The following MYO5B variants were observed in gnomAD, a reference collection of about 807,000 sequenced individuals.
MYO5B encodes the protein unconventional myosin-Vb.
MYO5B carries 143 observed loss-of-function variants against 229.3 expected under a neutral mutation model. The ratio of observed to expected loss-of-function variants is 0.62; its 90% confidence interval spans 0.54 to 0.72. MYO5B has a LOEUF of 0.72. MYO5B is among the 30% of genes least tolerant of loss of function. MYO5B has a pLI of 0.00. For missense variants in MYO5B, 2,321 were observed against 2,331.0 expected (o/e 1.00, Z 0.09); for synonymous variants, 918 against 885.2 (o/e 1.04, Z -0.66).
intron 1 of MYO5B, among the ~76,000 whole-genome samples, chr18:50,083,250 C>A (rs1164798618): frequency 2.0e-5 from 3 of 152,212 alleles, no homozygotes; most frequent in Non-Finnish European, 4.4e-5. Flanking sequence ...TGTTTACCAA[C>A]CTGGAAGCTT....
At chr18:50,099,372 T>C (rs917713705) in intron 1 of MYO5B, among the ~76,000 whole-genome samples, 1 of 151,754 alleles carries the variant, frequency 6.6e-6, no homozygotes, top group African/African-American at 2.4e-5. Context: ...TGTTCCAGAG[T>C]GGATAAGTGA....
chr18:49,880,574 G>C, intron 22 of MYO5B, 119 bp from the exon 23 acceptor site: 2 of 816,980 alleles, frequency 2.4e-6, no homozygotes, highest in Non-Finnish European at 4.2e-6. Flanking sequence ...AAATTGATTT[G>C]GTTAAAGCTT....
At chr18:50,098,206 T>C (rs534129099) in intron 1 of MYO5B, among the ~76,000 whole-genome samples, 1 of 152,326 alleles carries the variant, frequency 6.6e-6, no homozygotes, top group African/African-American at 2.4e-5. Context: ...TACTTAGGGG[T>C]ATACTTCAAC....
At chr18:50,034,099 A>T (rs964097393) in intron 4 of MYO5B, among the ~76,000 whole-genome samples, 1 of 152,210 alleles carries the variant, frequency 6.6e-6, no homozygotes, top group Non-Finnish European at 1.5e-5. Flanking sequence ...CAAAGACTGA[A>T]AACTATTAAT....
chr18:49,924,654 C>A (rs2025110129), intron 17 of MYO5B, among the ~76,000 whole-genome samples: 1 of 152,214 alleles, frequency 6.6e-6, no homozygotes, highest in Non-Finnish European at 1.5e-5. Flanking sequence ...TAAACCTTTG[C>A]TGGGATGGTA....
chr18:49,869,623 G>T (rs11659302), intron 27 of MYO5B, among the ~76,000 whole-genome samples: 36,490 of 152,082 alleles, frequency 0.24, 4,509 homozygotes, highest in East Asian at 0.41. Flanking sequence ...TCAAGAAGGG[G>T]CATCTTCCTC....
chr18:49,960,217 C>T (rs1415168228), intron 12 of MYO5B, among the ~76,000 whole-genome samples: 1 of 152,218 alleles, frequency 6.6e-6, no homozygotes, highest in Non-Finnish European at 1.5e-5. Flanking sequence ...GAGTCCAATC[C>T]TTCATCTGAC....
intron 17 of MYO5B, among the ~76,000 whole-genome samples, chr18:49,921,702 TGGGGAAGG>T (rs2025077576): frequency 6.6e-6 from 1 of 152,098 alleles, no homozygotes; most frequent in Non-Finnish European, 1.5e-5. Context: ...TTTATTAATT[TGGGGAAGG>T]GGGGTAAGAA....
In MYO5B at chr18:49,984,722, G is replaced by A. The variant is rs778446143; in HGVS notation, c.942C>T (p.Leu314=). ...CCCAACTAAGAAGCTCCTTACCGAG[G>A]AGTGTGAAGGCTTGTCGAGTCTTCT... ...DFEKTRQAFT[L]LGVKESHQMS... The change falls in exon 8 of 40, where the codon CTC becomes CTT. Residue 314 remains leucine, a synonymous_variant. Transcript: ENST00000285039. 1.9e-6 allele frequency: 3 copies of A among 1,606,442 alleles called. No individual in the cohort carries two copies. Among genetic ancestry groups the A allele is most frequent in the Admixed American group, 1.7e-5 (1 of 59,994 alleles).
intron 1 of MYO5B, among the ~76,000 whole-genome samples, chr18:50,174,346 C>T (rs2032963904): frequency 6.6e-6 from 1 of 151,520 alleles, no homozygotes; most frequent in South Asian, 2.1e-4. Flanking sequence ...CACTCTCACT[C>T]CCATCAGCCC....
intron 5 of MYO5B, among the ~76,000 whole-genome samples, chr18:49,999,707 G>A (rs1255395781): frequency 6.6e-6 from 1 of 152,190 alleles, no homozygotes; most frequent in Non-Finnish European, 1.5e-5. Flanking sequence ...TAATAGGTCA[G>A]TGGTTCTCCA....
intron 5 of MYO5B, among the ~76,000 whole-genome samples, chr18:49,995,574 C>T (rs2025979297): frequency 6.6e-6 from 1 of 151,976 alleles, no homozygotes; most frequent in African/African-American, 2.4e-5. Flanking sequence ...CAGGGAGAAG[C>T]CTCTCAGAAG....
chr18:50,091,797 T>C (rs371710611), intron 1 of MYO5B, among the ~76,000 whole-genome samples: 4 of 152,230 alleles, frequency 2.6e-5, no homozygotes, highest in Non-Finnish European at 4.4e-5. Context: ...ATTTGTAATA[T>C]ATAGGCTTGC....
chr18:49,965,389 AAGAG>A (rs1568050703), intron 10 of MYO5B, among the ~76,000 whole-genome samples: 3 of 151,896 alleles, frequency 2.0e-5, no homozygotes, highest in Non-Finnish European at 4.4e-5. Context: ...GCCTATGAAG[AAGAG>A]ATGGACATTT....
At chr18:50,017,234 C>A (rs2026225432) in intron 4 of MYO5B, among the ~76,000 whole-genome samples, 1 of 152,204 alleles carries the variant, frequency 6.6e-6, no homozygotes, top group African/African-American at 2.4e-5. Flanking sequence ...TCTCCCGCCT[C>A]AGCCTCCCGA....
intron 1 of MYO5B, among the ~76,000 whole-genome samples, chr18:50,150,384 GTA>G (rs1230949795): frequency 6.9e-6 from 1 of 145,500 alleles, no homozygotes; most frequent in African/African-American, 2.5e-5. Context: ...ACATGCACAC[GTA>G]TGTTTATTGC....
chr18:50,160,419 G>A lies in MYO5B; in HGVS notation c.27+34348C>T, dbSNP rs368474893. On this transcript the variant is annotated intron_variant, in intron 1 of 39. Coordinates refer to ENST00000285039, the MANE Select transcript of MYO5B (RefSeq NM_001080467.3). ...TGGAAAGCAGAGGTTCCCTGACTCG[G>A]GGGTTCTGTGGACCAGTTAATATTT... Among the ~76,000 whole-genome samples the A allele has an allele frequency of 3.3e-5, 5 of 152,312 alleles. No homozygotes were observed. In the East Asian group the frequency reaches 5.8e-4, roughly 18 times the overall value.
Position 49,940,940 on chromosome 18 carries a change from T to C in MYO5B, c.1753-3543A>G, listed in dbSNP as rs1428022628. Reference sequence around the variant, plus strand: ...AACTAAAAACATACAAAAAAATTAGTTCCTCTTACCTCATTCTTAGTTATT... The same window carrying C: ...AACTAAAAACATACAAAAAAATTAGCTCCTCTTACCTCATTCTTAGTTATT... On this transcript the variant is annotated intron_variant, in intron 14 of 39. Coordinates refer to ENST00000285039, the MANE Select transcript of MYO5B (RefSeq NM_001080467.3). 4.6e-5 allele frequency among the ~76,000 whole-genome samples: 7 copies of C among 152,216 alleles called. No homozygotes were observed. The East Asian group carries it at 1.3e-3, about 29-fold the overall frequency.
At chr18:50,128,916 C>G (rs1157996172) in intron 1 of MYO5B, among the ~76,000 whole-genome samples, 1 of 152,200 alleles carries the variant, frequency 6.6e-6, no homozygotes, top group Non-Finnish European at 1.5e-5. Context: ...CAGCGGCTGC[C>G]GGCTGGAAAA....
Sources: gnomAD v4.1 joint callset for allele counts (sites outside exome capture counted in the v4.1 genomes callset) on GRCh38, gnomAD v4.1.1 for gene constraint, MANE v1.5 for transcripts, NCBI Gene and HGNC (gene_info 2026-07-23, HGNC 2026-07-21) for gene names.